Variants in PEX11B observed in about 807,000 individuals in gnomAD.
PEX11B encodes peroxisomal membrane protein 11B.
A neutral mutation model predicts 28.2 loss-of-function variants in PEX11B; 18 were observed. The ratio of observed to expected loss-of-function variants is 0.64; its 90% CI spans 0.44 to 0.95. The LOEUF (loss-of-function observed/expected upper bound fraction) is 0.95. PEX11B is among the 40% of genes least tolerant of loss of function. PEX11B has a pLI of 0.00. For missense variants in PEX11B, 305 were observed against 319.8 expected (o/e 0.95, Z 0.35); for synonymous variants, 128 against 128.7 (o/e 0.99, Z 0.04).
rs1553754302 is a variant in PEX11B, at chr1:145,918,448, C to T, written c.56+185G>A. The T allele has an allele frequency of 2.0e-6, 3 of 1,536,136 alleles. No individual in the cohort carries two copies. The African/African-American group carries it at 4.1e-5, about 21-fold the overall frequency. On this transcript the variant is annotated intron_variant, in intron 1 of 3. Coordinates refer to ENST00000369306, the MANE Select transcript of PEX11B (RefSeq NM_003846.3). Reference sequence around the variant, plus strand: ...CACTCATGCCTCAGTTTCCCCATCTCTTCCGCGAACGGAAAGGAATCATCT... The same window carrying T: ...CACTCATGCCTCAGTTTCCCCATCTTTTCCGCGAACGGAAAGGAATCATCT...
intron 1 of PEX11B, chr1:145,918,261 C>T (rs1647523538): frequency 1.0e-6 from 1 of 985,346 alleles, no homozygotes; most frequent in African/African-American, 1.7e-5. Context: ...CGAATGGCAG[C>T]ACGGTGTGGG....
chr1:145,912,417 C>G lies in PEX11B; in HGVS notation c.524G>C (p.Gly175Ala). The change falls in exon 4 of 4, where the codon GGA becomes GCA. Residue 175 changes from glycine (G) to alanine (A), a missense_variant. Physicochemically the swap from Gly to Ala is moderately conservative, Grantham distance 60 (BLOSUM62 0). Transcript: ENST00000369306. ...CAGACCTCCTCCTGGAGTCCCTGGT[C>G]CCCCAAGTCCCCCAGTTTCACTTCC... is the stretch of plus-strand genomic sequence containing the variant. ...PGGSETGGLG[G>A]PGTPGGGLPQ... 1 of 1,579,564 alleles carries G rather than the reference C, an allele frequency of 6.3e-7. No homozygotes were observed. The highest frequency in any genetic ancestry group is 8.6e-7 in the Non-Finnish European group (1 of 1,162,044).
At chr1:145,918,088 C>T in intron 1 of PEX11B, 2 of 985,404 alleles carry the variant, frequency 2.0e-6, no homozygotes, top group Non-Finnish European at 2.4e-6. Flanking sequence ...GTGCAGGCCG[C>T]AGGGGTCCAT....
rs1203386987 is a variant in PEX11B, at chr1:145,918,498, C to T, written c.56+135G>A. 4 of 1,537,778 alleles carry T rather than the reference C, an allele frequency of 2.6e-6. No individual in the cohort carries two copies. The African/African-American group carries it at 5.5e-5, about 21-fold the overall frequency. On this transcript the variant is annotated intron_variant, in intron 1 of 3. Coordinates refer to ENST00000369306, the MANE Select transcript of PEX11B (RefSeq NM_003846.3). ...TCAACAGCGGCTCAAATCTGCGCCTCACGGTCCGTTCGGGCCCCCGTAGCC... is the reference window on the plus strand; with the variant it reads ...TCAACAGCGGCTCAAATCTGCGCCTTACGGTCCGTTCGGGCCCCCGTAGCC...
At chr1:145,917,945 C>CA in intron 1 of PEX11B, 129 bp from the exon 2 acceptor site, 1 of 1,411,652 alleles carries the variant, frequency 7.1e-7, no homozygotes, top group Non-Finnish European at 9.4e-7. Context: ...CCTCCATGCC[C>CA]ATATCTCACC....
intron 3 of PEX11B, among the ~76,000 whole-genome samples, chr1:145,915,357 C>A (rs934149306): frequency 1.3e-5 from 2 of 152,170 alleles, no homozygotes; most frequent in Admixed American, 1.3e-4. Flanking sequence ...AGCCATGCCT[C>A]TGCTCCCACC....
rs191645066 is a variant in PEX11B, at chr1:145,914,712, A to C, written c.374+2105T>G. 1.9e-4 allele frequency among the ~76,000 whole-genome samples: 29 copies of C among 152,322 alleles called. No individual in the cohort carries two copies. The East Asian group carries it at 5.6e-3, about 29-fold the overall frequency. On this transcript the variant is annotated intron_variant, in intron 3 of 3. Coordinates refer to ENST00000369306, the MANE Select transcript of PEX11B (RefSeq NM_003846.3). Reference sequence around the variant, plus strand: ...TTTCTTGCTCTTCAGGTATGAGCTTAAGTATCACCTCTTCGGAGACGCCTT... The same window carrying C: ...TTTCTTGCTCTTCAGGTATGAGCTTCAGTATCACCTCTTCGGAGACGCCTT...
intron 1 of PEX11B, 111 bp downstream of exon 1, chr1:145,918,522 C>G (rs1295545412): frequency 1.9e-6 from 3 of 1,540,814 alleles, no homozygotes; most frequent in Non-Finnish European, 2.6e-6. Flanking sequence ...GCCCCCGTAG[C>G]CGGAGTTGAC....
chr1:145,912,436 C>T lies in PEX11B; in HGVS notation c.505G>A (p.Glu169Lys). Residue 169 changes from glutamate (E) to lysine (K), a missense_variant, in exon 4 of 4, where the codon GAA (glutamate) becomes AAA (lysine). Coordinates refer to ENST00000369306, the MANE Select transcript of PEX11B (RefSeq NM_003846.3). ...CCTGGTCCCCCAAGTCCCCCAGTTT[C>T]ACTTCCTCCTGGGACTCCTCCTCCA... is the stretch of plus-strand genomic sequence containing the variant. Reference protein sequence around the residue: ...GSGGGVPGGSETGGLGGPGTP... With the variant: ...GSGGGVPGGSKTGGLGGPGTP... The T allele has an allele frequency of 6.4e-7, 1 of 1,569,484 alleles. No homozygotes were observed. Among genetic ancestry groups the T allele is most frequent in the Non-Finnish European group, 8.6e-7 (1 of 1,156,954 alleles).
Position 145,916,921 on chromosome 1 carries a change from G to A in PEX11B, c.270C>T (p.His90=). The A allele has an allele frequency of 1.9e-6, 3 of 1,613,770 alleles. No homozygotes were observed. Among genetic ancestry groups the A allele is most frequent in the Non-Finnish European group, 2.5e-6 (3 of 1,179,630 alleles). The change falls in exon 3 of 4, where the codon CAC becomes CAT. Residue 90 remains histidine, a synonymous_variant. Coordinates refer to ENST00000369306, the MANE Select transcript of PEX11B (RefSeq NM_003846.3). ...VVLRFCITVS[H]LNRALYFACD... is the part of the protein sequence containing the mutation. Reference sequence around the variant, plus strand: ...AGGCGAAGTACAAGGCTCGATTGAGGTGACTAACAGTGATGCAGAATCTCA... The same window carrying A: ...AGGCGAAGTACAAGGCTCGATTGAGATGACTAACAGTGATGCAGAATCTCA...
At position 145,912,916 on chromosome 1, in the gene PEX11B, C is replaced by T. The variant is rs587772289; in HGVS notation, c.375-350G>A. ...CAGCCTGGCCAACATGGTGAAACCC[C>T]GTCCCTACTAAAAATACAAAAATTG... is the stretch of plus-strand genomic sequence containing the variant. On this transcript the variant is annotated intron_variant, in intron 3 of 3. Coordinates refer to ENST00000369306, the MANE Select transcript of PEX11B (RefSeq NM_003846.3). Among the ~76,000 whole-genome samples the T allele has an allele frequency of 3.0e-4, 46 of 152,112 alleles. 1 individual carries two copies. The highest frequency in any genetic ancestry group is 8.0e-4 in the African/African-American group (33 of 41,508).
In PEX11B at chr1:145,912,141, C is replaced by T. The variant is rs763526490; in HGVS notation, c.*20G>A. On this transcript the variant is annotated 3_prime_UTR_variant, in exon 4 of 4. Transcript: ENST00000369306. ...TCCATCTCACCAATTCAGGTCCCCT[C>T]CTTATCCTGTACCGGAAGGTCAGGG... The T allele has an allele frequency of 2.2e-5, 34 of 1,559,894 alleles. No individual in the cohort carries two copies. The highest frequency in any genetic ancestry group is 3.7e-5 in the Admixed American group (2 of 53,984).
Position 145,918,685 on chromosome 1 carries a change from C to A in PEX11B, c.4G>T (p.Asp2Tyr), listed in dbSNP as rs782627313. The change falls in exon 1 of 4, where the codon GAC (aspartate) becomes TAC (tyrosine). Residue 2 changes from aspartate (D) to tyrosine (Y), a missense_variant. Asp to Tyr is a radical substitution (Grantham distance 160). Transcript: ENST00000369306. ...TGAGCACTGAAGCGGACCCAGGCGT[C>A]CATGACAGCCGCAGCCCAGGCTCCG... M[D>Y]AWVRFSAQSQ... 2 of 1,577,716 alleles carry A rather than the reference C, an allele frequency of 1.3e-6. No individual in the cohort carries two copies. The highest frequency in any genetic ancestry group is 1.7e-6 in the Non-Finnish European group (2 of 1,162,226).
intron 3 of PEX11B, among the ~76,000 whole-genome samples, chr1:145,913,484 C>A (rs1208439405): frequency 6.6e-6 from 1 of 152,056 alleles, no homozygotes; most frequent in East Asian, 1.9e-4. Flanking sequence ...GTCCTCCCAA[C>A]ATTCTGTAAC....
rs1049689144 is a variant in PEX11B, at chr1:145,912,573, C to T, written c.375-7G>A. The T allele has an allele frequency of 3.4e-6, 5 of 1,478,074 alleles. No individual in the cohort carries two copies. Among genetic ancestry groups the T allele is most frequent in the Non-Finnish European group, 4.5e-6 (5 of 1,112,874 alleles). 91.6% of individuals were successfully genotyped at this position (1,478,074 alleles called of 1,614,324 possible). A position where few individuals can be genotyped will look rare whatever the true frequency, so the allele number is the denominator to read the frequency against. Reference sequence around the variant, plus strand: ...GAGGGAAAACAAATAGTACCTGATACACAGAGCAAAAGGGTCAGTAAGGGC... The same window carrying T: ...GAGGGAAAACAAATAGTACCTGATATACAGAGCAAAAGGGTCAGTAAGGGC... On this transcript the variant is annotated splice_polypyrimidine_tract_variant and splice_region_variant and intron_variant, in intron 3 of 3. Transcript: ENST00000369306.
Sources: allele counts gnomAD v4.1 joint callset (sites outside exome capture counted in the v4.1 genomes callset), GRCh38; gene constraint gnomAD v4.1.1; transcripts MANE v1.5; gene names NCBI Gene and HGNC (gene_info 2026-07-23, HGNC 2026-07-21).